The following TRANK1 variants were observed in gnomAD, a reference collection of about 807,000 sequenced individuals.
The protein encoded by TRANK1 is tetratricopeptide repeat and ankyrin repeat containing 1.
TRANK1 carries 198 observed loss-of-function variants against 266.0 expected under a neutral mutation model. The ratio of observed to expected loss-of-function variants is 0.74; its 90% confidence interval spans 0.66 to 0.84. The LOEUF is 0.84. Among genes scored for constraint, TRANK1 ranks in the 40% least tolerant of loss-of-function variants. The pLI is 0.00. For missense variants in TRANK1, 3,326 were observed against 3,634.6 expected (o/e 0.92, Z 2.18); for synonymous variants, 1,396 against 1,384.1 (o/e 1.01, Z -0.19).
At chr3:36,900,851 CA>C (rs138198488) in intron 3 of TRANK1, among the ~76,000 whole-genome samples, 124 of 62,998 alleles carry the variant, frequency 2.0e-3, no homozygotes, top group African/African-American at 2.8e-3. Flanking sequence ...GACCCTGTCT[CA>C]AAAAAAAAAA....
chr3:36,895,643 C>T lies in TRANK1; in HGVS notation c.549G>A (p.Trp183Ter). The T allele has an allele frequency of 1.3e-6, 2 of 1,528,818 alleles. No homozygotes were observed. The highest frequency in any genetic ancestry group is 1.8e-6 in the Non-Finnish European group (2 of 1,141,176). 94.7% of individuals were successfully genotyped at this position (1,528,818 alleles called of 1,614,324 possible). ...AGAGCCATCTCCTTTTACTTACATG[C>T]CATAATCCTTTCTTTGCCAACTTTT... ...VIEKLAKKGL[W>*]HSFLLLSAKK... The change falls in exon 5 of 24, where the codon TGG (tryptophan) becomes TGA (stop). Residue 183 changes from tryptophan to a stop codon, truncating the protein, a stop_gained. Transcript: ENST00000645898. LOFTEE classifies it high-confidence loss of function.
chr3:36,922,458 A>G (rs2080229093), intron 1 of TRANK1, among the ~76,000 whole-genome samples: 1 of 152,156 alleles, frequency 6.6e-6, no homozygotes, highest in Non-Finnish European at 1.5e-5. Context: ...TACAAAAATT[A>G]GCCGGGTGTG....
chr3:36,890,976 G>T (rs1417015392), intron 7 of TRANK1, among the ~76,000 whole-genome samples: 1 of 152,204 alleles, frequency 6.6e-6, no homozygotes, highest in Non-Finnish European at 1.5e-5. Flanking sequence ...AAACTGGGAG[G>T]ATTAGATTGC....
At chr3:36,853,999 ATGG>A (rs2079017435) in intron 13 of TRANK1, among the ~76,000 whole-genome samples, 1 of 152,228 alleles carries the variant, frequency 6.6e-6, no homozygotes. Context: ...AACATTTCAA[ATGG>A]GTGCCTTTTA....
intron 8 of TRANK1, 112 bp from the exon 9 acceptor site, chr3:36,874,408 AG>A: frequency 8.4e-7 from 1 of 1,192,506 alleles, no homozygotes; most frequent in Non-Finnish European, 1.1e-6. Flanking sequence ...CAAGAGGACT[AG>A]GGTCTTCTGT....
At chr3:36,919,872 A>G (rs1394888644) in intron 1 of TRANK1, among the ~76,000 whole-genome samples, 1 of 152,238 alleles carries the variant, frequency 6.6e-6, no homozygotes, top group African/African-American at 2.4e-5. Flanking sequence ...TTTATTGGCC[A>G]TATGAGTGTC....
At position 36,847,283 on chromosome 3, in the gene TRANK1, T is replaced by C; in HGVS notation, c.4951A>G (p.Asn1651Asp). ...AGGGGTACTTCAACCAATGGCCGGT[T>C]TTCCTCTCTGGAGTCAGTTGAGGTA... ...TPTSTDSREE[N>D]RPLVEVPLDK... The change falls in exon 16 of 24, where the codon AAC (asparagine) becomes GAC (aspartate). Residue 1651 changes from asparagine to aspartate, a missense_variant. Physicochemically the swap from Asn to Asp is conservative, Grantham distance 23. Coordinates refer to ENST00000645898, the MANE Select transcript of TRANK1 (RefSeq NM_001329998.2). The C allele has an allele frequency of 1.2e-6, 2 of 1,613,682 alleles. No homozygotes were observed. Among genetic ancestry groups the C allele is most frequent in the Non-Finnish European group, 1.7e-6 (2 of 1,179,772 alleles).
rs867740895 is a variant in TRANK1 at position 36,899,221 on chromosome 3, G to A, written c.321C>T (p.His107=). 1.3e-6 allele frequency: 2 copies of A among 1,537,302 alleles called. No homozygotes were observed. The highest frequency in any genetic ancestry group is 1.7e-4 in the Middle Eastern group (1 of 5,990). ...YRAGYSLLRL[H]QPYEAARMFF... Reference sequence around the variant, plus strand: ...ACATGCGAGCGGCTTCGTAAGGCTGGTGCAACCTCAGCAAGGAATAACCAG... The same window carrying A: ...ACATGCGAGCGGCTTCGTAAGGCTGATGCAACCTCAGCAAGGAATAACCAG... The change falls in exon 4 of 24, where the codon CAC becomes CAT. Residue 107 remains histidine (H), a synonymous_variant. Coordinates refer to ENST00000645898, the MANE Select transcript of TRANK1 (RefSeq NM_001329998.2).
At chr3:36,886,052 G>A (rs780230110) in intron 8 of TRANK1, among the ~76,000 whole-genome samples, 10 of 151,754 alleles carry the variant, frequency 6.6e-5, no homozygotes, top group Non-Finnish European at 1.3e-4. Context: ...AGCCTCATTC[G>A]TTGGAGGTCA....
chr3:36,832,120 T>C lies in TRANK1; in HGVS notation c.7463A>G (p.Tyr2488Cys). ...CTTCTTGCTAAACAGGAACTCCCAG[T>C]AGTGCAAGAGTGCAATGTAGCTCTT... ...LPKSYIALLH[Y>C]WEFLFSKKDK... The change falls in exon 22 of 24, where the codon TAC (tyrosine) becomes TGC (cysteine). Residue 2488 changes from tyrosine to cysteine, a missense_variant. Transcript: ENST00000645898. The C allele has an allele frequency of 6.2e-7, 1 of 1,613,906 alleles. No homozygotes were observed. Among genetic ancestry groups the C allele is most frequent in the Non-Finnish European group, 8.5e-7 (1 of 1,179,874 alleles).
At chr3:36,845,204 A>T (rs1329286568) in intron 17 of TRANK1, among the ~76,000 whole-genome samples, 2 of 152,256 alleles carry the variant, frequency 1.3e-5, no homozygotes, top group African/African-American at 4.8e-5. Context: ...AGGTGTATAC[A>T]TGAATTTATA....
At chr3:36,926,436 C>A (rs1364997004) in intron 1 of TRANK1, among the ~76,000 whole-genome samples, 2 of 152,160 alleles carry the variant, frequency 1.3e-5, no homozygotes, top group Non-Finnish European at 2.9e-5. Flanking sequence ...TTAGACTATA[C>A]CGTTTACATG....
chr3:36,837,261 G>A (rs112108570), intron 20 of TRANK1, among the ~76,000 whole-genome samples: 1 of 152,172 alleles, frequency 6.6e-6, no homozygotes, highest in Admixed American at 6.5e-5. Context: ...AGAGAGCAGC[G>A]TTGTATCCCT....
chr3:36,926,207 C>T (rs2080286340), intron 1 of TRANK1, among the ~76,000 whole-genome samples: 1 of 152,180 alleles, frequency 6.6e-6, no homozygotes, highest in Non-Finnish European at 1.5e-5. Context: ...TTGTCATTTT[C>T]CCTAAACATG....
chr3:36,862,120 A>G (rs191213663), intron 10 of TRANK1, among the ~76,000 whole-genome samples: 56 of 152,354 alleles, frequency 3.7e-4, no homozygotes, highest in Middle Eastern at 3.4e-3. Context: ...AAATTTTTGT[A>G]TAAGTATATA....
chr3:36,858,444 G>T (rs1007304136), intron 12 of TRANK1, among the ~76,000 whole-genome samples: 2 of 152,134 alleles, frequency 1.3e-5, no homozygotes, highest in African/African-American at 4.8e-5. Context: ...CCTTGAAAAT[G>T]ATATAAATAA....
At chr3:36,889,344 C>T (rs115432817) in intron 8 of TRANK1, among the ~76,000 whole-genome samples, 164 of 152,332 alleles carry the variant, frequency 1.1e-3, no homozygotes, top group African/African-American at 3.8e-3. Flanking sequence ...GAAGAACCAG[C>T]TTTTCCTTGC....
chr3:36,872,104 G>A (rs572816184), intron 9 of TRANK1, among the ~76,000 whole-genome samples: 4 of 152,300 alleles, frequency 2.6e-5, no homozygotes, highest in South Asian at 2.1e-4. Context: ...CAAAAGAGAA[G>A]CAAGAAGTGA....
intron 1 of TRANK1, among the ~76,000 whole-genome samples, chr3:36,918,185 T>A (rs529075839): frequency 1.3e-5 from 2 of 152,116 alleles, no homozygotes; most frequent in Non-Finnish European, 2.9e-5. Flanking sequence ...TCTACTTATA[T>A]GAGCTACTTA....
Sources: allele counts gnomAD v4.1 joint callset (sites outside exome capture counted in the v4.1 genomes callset), GRCh38; gene constraint gnomAD v4.1.1; transcripts MANE v1.5; gene names NCBI Gene and HGNC (gene_info 2026-07-23, HGNC 2026-07-21).